The following DPP6 variants were observed in gnomAD, a reference collection of about 807,000 sequenced individuals.
DPP6 encodes the protein dipeptidyl peptidase like 6.
A neutral mutation model predicts 122.6 loss-of-function variants in DPP6; 69 were observed. That is an observed-to-expected ratio of 0.56 (90% CI 0.46 to 0.69). The LOEUF is 0.69. DPP6 is among the 30% of genes least tolerant of loss of function. The pLI, the probability that DPP6 is intolerant of heterozygous loss-of-function variation, is 0.00. For missense variants in DPP6, 928 were observed against 1,116.9 expected (o/e 0.83, Z 2.41); for synonymous variants, 418 against 433.1 (o/e 0.97, Z 0.43).
chr7:154,427,187 A>T (rs1170735783), intron 1 of DPP6, among the ~76,000 whole-genome samples: 4 of 152,244 alleles, frequency 2.6e-5, no homozygotes, highest in Non-Finnish European at 4.4e-5. Context: ...CGAGAGAGGC[A>T]CAAGTATTTT....
intron 7 of DPP6, among the ~76,000 whole-genome samples, chr7:154,694,704 A>G (rs1011886758): frequency 2.0e-5 from 3 of 152,140 alleles, no homozygotes; most frequent in African/African-American, 7.2e-5. Context: ...GATGTAAGTG[A>G]TGAAGATGAG....
chr7:154,674,279 T>C (rs1321432902), intron 7 of DPP6, among the ~76,000 whole-genome samples: 1 of 152,212 alleles, frequency 6.6e-6, no homozygotes, highest in Non-Finnish European at 1.5e-5. Context: ...ATGTGATTAG[T>C]TGTCTGGTTT....
intron 3 of DPP6, among the ~76,000 whole-genome samples, chr7:154,517,403 T>A (rs1292707222): frequency 6.6e-6 from 1 of 152,050 alleles, no homozygotes; most frequent in African/African-American, 2.4e-5. Context: ...CAGCACGGTG[T>A]CTGCACAGAG....
intron 1 of DPP6, among the ~76,000 whole-genome samples, chr7:154,294,096 G>A (rs1030321723): frequency 1.3e-5 from 2 of 152,162 alleles, no homozygotes; most frequent in Non-Finnish European, 2.9e-5. Context: ...AAATTATTCT[G>A]ACTTCAACGC....
intron 1 of DPP6, among the ~76,000 whole-genome samples, chr7:153,911,155 G>A (rs1800074827): frequency 6.6e-6 from 1 of 152,134 alleles, no homozygotes; most frequent in Admixed American, 6.5e-5. Context: ...GGGTCTCAGG[G>A]GCACATTGAG....
At chr7:153,928,148 C>G (rs542139921) in intron 1 of DPP6, among the ~76,000 whole-genome samples, 1 of 151,820 alleles carries the variant, frequency 6.6e-6, no homozygotes, top group East Asian at 1.9e-4. Context: ...GTTCTGGAAG[C>G]TGGAAGTCCA....
intron 8 of DPP6, among the ~76,000 whole-genome samples, chr7:154,766,944 G>A (rs1436182944): frequency 5.9e-5 from 9 of 152,144 alleles, no homozygotes; most frequent in African/African-American, 1.4e-4. Flanking sequence ...TGGAACCTAC[G>A]GGGTAGGAAT....
At chr7:154,305,335 T>TTGGGGCCC in intron 1 of DPP6, 2 of 1,024,742 alleles carry the variant, frequency 2.0e-6, no homozygotes, top group Non-Finnish European at 2.4e-6. Context: ...TCGTCTTGTC[T>TTGGGGCCC]ACCCACCCTC....
At chr7:154,626,091 G>C (rs927381209) in intron 5 of DPP6, among the ~76,000 whole-genome samples, 3 of 152,128 alleles carry the variant, frequency 2.0e-5, no homozygotes, top group Admixed American at 2.0e-4. Context: ...AAGAAAGCAG[G>C]CATGCTGGTG....
chr7:154,071,318 T>G (rs1419764238), intron 1 of DPP6, among the ~76,000 whole-genome samples: 2 of 152,162 alleles, frequency 1.3e-5, no homozygotes, highest in African/African-American at 4.8e-5. Flanking sequence ...TATTCTCATT[T>G]TACAAATATG....
chr7:154,164,179 T>A (rs1169182592), intron 1 of DPP6, among the ~76,000 whole-genome samples: 1 of 150,710 alleles, frequency 6.6e-6, no homozygotes, highest in Non-Finnish European at 1.5e-5. Context: ...TCTAAGAGTC[T>A]TCCCTGCCCT....
chr7:153,963,590 G>C (rs1795473576), intron 1 of DPP6, among the ~76,000 whole-genome samples: 1 of 149,244 alleles, frequency 6.7e-6, no homozygotes, highest in Admixed American at 6.6e-5. Context: ...TGCACAGGAG[G>C]TGAGCAGCAG....
chr7:153,793,085 C>A, the DPP6 span, among the ~76,000 whole-genome samples: 3 of 152,004 alleles, frequency 2.0e-5, no homozygotes, highest in South Asian at 6.2e-4. Context: ...CAAACTAATG[C>A]GGTAAATTGA....
chr7:154,795,545 G>A lies in DPP6; in HGVS notation c.1261-300G>A, dbSNP rs182932869. On this transcript the variant is annotated intron_variant, in intron 11 of 25. Coordinates refer to ENST00000377770, the MANE Select transcript of DPP6 (RefSeq NM_130797.4). ...CAGTGATGACCGCCCCCTGGTACAC[G>A]TGCCATCTTCCCCCAGAGGGTTCTT... is the stretch of plus-strand genomic sequence containing the variant. 2.3e-3 allele frequency among the ~76,000 whole-genome samples: 355 copies of A among 152,246 alleles called. 1 individual carries two copies. Among genetic ancestry groups the A allele is most frequent in the African/African-American group, 8.1e-3 (337 of 41,560 alleles).
intron 17 of DPP6, among the ~76,000 whole-genome samples, chr7:154,855,405 G>A (rs1802746793): frequency 6.6e-6 from 1 of 152,210 alleles, no homozygotes; most frequent in Admixed American, 6.5e-5. Flanking sequence ...CCCGTGCTGA[G>A]AAGAAGCGGG....
chr7:154,075,145 C>A (rs572545280), intron 1 of DPP6, among the ~76,000 whole-genome samples: 2 of 151,908 alleles, frequency 1.3e-5, no homozygotes, highest in African/African-American at 2.4e-5. Flanking sequence ...ATTAAAAAAT[C>A]AAAAAATAAT....
At chr7:154,682,486 G>A (rs1839343042) in intron 7 of DPP6, among the ~76,000 whole-genome samples, 1 of 152,242 alleles carries the variant, frequency 6.6e-6, no homozygotes, top group South Asian at 2.1e-4. Flanking sequence ...GTTTGAAATT[G>A]GGGTCGGCCC....
intron 1 of DPP6, among the ~76,000 whole-genome samples, chr7:154,203,417 G>C (rs1163584417): frequency 6.6e-6 from 1 of 152,198 alleles, no homozygotes; most frequent in Non-Finnish European, 1.5e-5. Flanking sequence ...GTGACATGCT[G>C]CAGCCTTGTC....
chr7:154,409,372 G>A (rs1255817832), intron 1 of DPP6, among the ~76,000 whole-genome samples: 1 of 152,122 alleles, frequency 6.6e-6, no homozygotes, highest in Non-Finnish European at 1.5e-5. Flanking sequence ...CAGATGAAAA[G>A]AGTCCTGCTG....
Sources: allele counts gnomAD v4.1 joint callset (sites outside exome capture counted in the v4.1 genomes callset), GRCh38; gene constraint gnomAD v4.1.1; transcripts MANE v1.5; gene names NCBI Gene and HGNC (gene_info 2026-07-23, HGNC 2026-07-21).